Variants in TMEM178B observed in about 807,000 individuals in gnomAD.
The protein encoded by TMEM178B is transmembrane protein 178B.
In TMEM178B, 5 loss-of-function variants were observed where a neutral mutation model predicts 31.0. The ratio of observed to expected loss-of-function variants is 0.16; its 90% CI spans 0.08 to 0.34. The LOEUF (loss-of-function observed/expected upper bound fraction) is 0.34. Ranked by LOEUF, TMEM178B falls within the 10% of genes least tolerant of loss-of-function variation. TMEM178B has a pLI of 1.00. For synonymous variants in TMEM178B, 164 were observed against 164.0 expected (o/e 1.00, Z 0.00); for missense variants, 275 against 400.3 (o/e 0.69, Z 2.67).
chr7:141,419,366 A>T (rs1801159456), intron 2 of TMEM178B, among the ~76,000 whole-genome samples: 1 of 152,214 alleles, frequency 6.6e-6, no homozygotes, highest in African/African-American at 2.4e-5. Context: ...GAATCCTGGG[A>T]GTCATCAGTG....
At chr7:141,110,981 G>A (rs1183423572) in intron 1 of TMEM178B, among the ~76,000 whole-genome samples, 1 of 152,220 alleles carries the variant, frequency 6.6e-6, no homozygotes, top group Non-Finnish European at 1.5e-5. Context: ...CTGGAACCTT[G>A]ATCTCAGACT....
At chr7:141,295,196 A>G (rs1379889471) in intron 2 of TMEM178B, among the ~76,000 whole-genome samples, 1 of 152,190 alleles carries the variant, frequency 6.6e-6, no homozygotes, top group Non-Finnish European at 1.5e-5. Flanking sequence ...ACACAGGTGA[A>G]GAAGGTATCC....
At chr7:141,266,071 C>G (rs1175873979) in intron 2 of TMEM178B, among the ~76,000 whole-genome samples, 1 of 152,220 alleles carries the variant, frequency 6.6e-6, no homozygotes, top group Non-Finnish European at 1.5e-5. Context: ...ATCAGCTCTT[C>G]TGGCATCAGA....
chr7:141,205,626 ACT>A (rs1351073908), intron 1 of TMEM178B, among the ~76,000 whole-genome samples: 1 of 152,144 alleles, frequency 6.6e-6, no homozygotes, highest in Non-Finnish European at 1.5e-5. Flanking sequence ...CAAAGGAATG[ACT>A]CTGTAATGGA....
At chr7:141,146,229 T>C (rs766694638) in intron 1 of TMEM178B, among the ~76,000 whole-genome samples, 51 of 151,910 alleles carry the variant, frequency 3.4e-4, no homozygotes, top group Non-Finnish European at 5.3e-4. Context: ...AGAGTTAGGA[T>C]TGGGTGCAAG....
In TMEM178B at chr7:141,318,234, G is replaced by A. The variant is rs920808507; in HGVS notation, c.496+105530G>A. Among the ~76,000 whole-genome samples the A allele has an allele frequency of 2.6e-5, 4 of 152,140 alleles. No individual in the cohort carries two copies. Among genetic ancestry groups the A allele is most frequent in the Admixed American group, 6.5e-5 (1 of 15,284 alleles). On this transcript the variant is annotated intron_variant, in intron 2 of 3. Transcript: ENST00000565468. The surrounding 1 kb of genome is among the most constrained non-coding windows in gnomAD (Gnocchi z 4.1). The stretch of plus-strand genomic sequence containing the variant: ...ACAACATGGCGTTCCCTATGTAAAT[G>A]TCACACAAGTATATTGAATGTTGAG...
At chr7:141,089,847 C>A (rs1794850872) in intron 1 of TMEM178B, among the ~76,000 whole-genome samples, 1 of 152,056 alleles carries the variant, frequency 6.6e-6, no homozygotes, top group East Asian at 1.9e-4. Flanking sequence ...ACATCACACA[C>A]CAGGGCCTGT....
chr7:141,273,755 A>G lies in TMEM178B; in HGVS notation c.496+61051A>G, dbSNP rs1003350798. ...GCCCGAGGCTCTCACTGCTCTCACCATCTCCATACAGGCACTAGCAATGCC... is the reference window on the plus strand; with the variant it reads ...GCCCGAGGCTCTCACTGCTCTCACCGTCTCCATACAGGCACTAGCAATGCC... On this transcript the variant is annotated intron_variant, in intron 2 of 3. Coordinates refer to ENST00000565468, the MANE Select transcript of TMEM178B (RefSeq NM_001195278.2). Among the ~76,000 whole-genome samples the G allele has an allele frequency of 4.6e-5, 7 of 152,158 alleles. 1 individual carries two copies. Among genetic ancestry groups the G allele is most frequent in the East Asian group, 1.9e-4 (1 of 5,194 alleles).
chr7:141,337,215 C>CCAT (rs1799434161), intron 2 of TMEM178B, among the ~76,000 whole-genome samples: 1 of 104,408 alleles, frequency 9.6e-6, no homozygotes, highest in African/African-American at 3.9e-5. Context: ...ACCACCATCA[C>CCAT]CACCACCACC....
chr7:141,340,608 C>G, intron 2 of TMEM178B, among the ~76,000 whole-genome samples: 1 of 152,144 alleles, frequency 6.6e-6, no homozygotes, highest in Non-Finnish European at 1.5e-5. Flanking sequence ...CATACCACCA[C>G]CTGTTGGTAA....
In TMEM178B at chr7:141,074,231, C is replaced by T. The variant is rs1417656615; in HGVS notation, c.-80C>T. ...CTGCCCCCTCCCCCAGCTCGGCCGCCCGCCGCTTTGTTCCGGGTGCGGCGA... is the reference window on the plus strand; with the variant it reads ...CTGCCCCCTCCCCCAGCTCGGCCGCTCGCCGCTTTGTTCCGGGTGCGGCGA... On this transcript the variant is annotated 5_prime_UTR_variant, in exon 1 of 4. Coordinates refer to ENST00000565468, the MANE Select transcript of TMEM178B (RefSeq NM_001195278.2). This position sits in a 1 kb window ranked among gnomAD's most constrained non-coding sequence, Gnocchi z 5.1. 21 of 1,436,310 alleles carry T rather than the reference C, an allele frequency of 1.5e-5. No homozygotes were observed. The highest frequency in any genetic ancestry group is 2.7e-5 in the Admixed American group (1 of 36,612). 89.0% of individuals were successfully genotyped at this position (1,436,310 alleles called of 1,614,324 possible). A position where few individuals can be genotyped will look rare whatever the true frequency, so the allele number is the denominator to read the frequency against.
chr7:141,324,328 G>A (rs868764103), intron 2 of TMEM178B, among the ~76,000 whole-genome samples: 2 of 149,268 alleles, frequency 1.3e-5, no homozygotes, highest in South Asian at 4.3e-4. Context: ...AAGATGATGA[G>A]AAGAGATAGG....
chr7:141,341,012 CA>C (rs1485298389), intron 2 of TMEM178B, among the ~76,000 whole-genome samples: 1 of 152,112 alleles, frequency 6.6e-6, no homozygotes. Flanking sequence ...AGTTTGCAGC[CA>C]AAAAATATTG....
rs71948091 is a variant in TMEM178B, at chr7:141,471,781, C to CGTGTGTGTGTGTGTGTGTGTGT, written c.*1011_*1032dup. 1 of 142,548 alleles carries CGTGTGTGTGTGTGTGTGTGTGT rather than the reference C, an allele frequency of 7.0e-6. No individual in the cohort carries two copies. Among genetic ancestry groups the CGTGTGTGTGTGTGTGTGTGTGT allele is most frequent in the Non-Finnish European group, 1.5e-5 (1 of 65,582 alleles). The allele number at this position is 142,548 out of a possible 1,614,324, so 8.8% of individuals were successfully genotyped here. A position where few individuals can be genotyped will look rare whatever the true frequency, so the allele number is the denominator to read the frequency against. The stretch of plus-strand genomic sequence containing the variant: ...AGATCCCTGGAGTGGTGTGTGTGTG[C>CGTGTGTGTGTGTGTGTGTGTGT]GTGTGTGTGTGTGTGTGTGTGTGTG... On this transcript the variant is annotated 3_prime_UTR_variant, in exon 4 of 4. Transcript: ENST00000565468. The surrounding 1 kb of genome is among the most constrained non-coding windows in gnomAD (Gnocchi z 4.1).
At chr7:141,388,885 A>G (rs781272363) in intron 2 of TMEM178B, among the ~76,000 whole-genome samples, 4 of 147,012 alleles carry the variant, frequency 2.7e-5, no homozygotes, top group Non-Finnish European at 4.5e-5. Context: ...TGAAATTTTT[A>G]TTAAGGAAGG....
At chr7:141,452,897 C>T (rs1024124712) in intron 3 of TMEM178B, among the ~76,000 whole-genome samples, 9 of 152,116 alleles carry the variant, frequency 5.9e-5, no homozygotes, top group African/African-American at 2.2e-4. Flanking sequence ...GAATAAAGGC[C>T]AATGTCCCCA....
chr7:141,468,128 T>C (rs1228861930), intron 3 of TMEM178B, among the ~76,000 whole-genome samples: 1 of 152,248 alleles, frequency 6.6e-6, no homozygotes, highest in Non-Finnish European at 1.5e-5. Context: ...CCTCTGGATC[T>C]GGGCTTTGGC....
chr7:141,340,300 GTAAGA>G (rs1239137409), intron 2 of TMEM178B, among the ~76,000 whole-genome samples: 1 of 152,176 alleles, frequency 6.6e-6, no homozygotes, highest in African/African-American at 2.4e-5. Context: ...CTACAGAACT[GTAAGA>G]TAATCGGTTT....
intron 2 of TMEM178B, among the ~76,000 whole-genome samples, chr7:141,329,384 A>G (rs539964305): frequency 6.6e-6 from 1 of 152,312 alleles, no homozygotes; most frequent in East Asian, 1.9e-4. Flanking sequence ...CACGGTTGCC[A>G]TTCTCATTAT....
Sources: allele counts gnomAD v4.1 joint callset (sites outside exome capture counted in the v4.1 genomes callset), GRCh38; gene constraint gnomAD v4.1.1; non-coding constraint Gnocchi (gnomAD v3.1); transcripts MANE v1.5; gene names NCBI Gene and HGNC (gene_info 2026-07-23, HGNC 2026-07-21).